CTNNA3: variants seen among roughly 807,000 people sequenced by gnomAD.
CTNNA3 encodes the protein catenin alpha-3.
CTNNA3 carries 76 observed loss-of-function variants against 95.7 expected under a neutral mutation model. That is an observed-to-expected ratio of 0.79 (90% confidence interval 0.66 to 0.96). CTNNA3 has a LOEUF of 0.96. CTNNA3 is among the 40% of genes least tolerant of loss of function. CTNNA3 has a pLI of 0.00. For missense variants in CTNNA3, 1,191 were observed against 1,089.8 expected, an observed-to-expected ratio of 1.09 and a Z score of -1.31; for synonymous variants, 431 against 374.4, an observed-to-expected ratio of 1.15 and a Z score of -1.74.
rs558730564 is a variant in CTNNA3, at chr10:66,073,444, T to C, written c.1978-3955A>G. Among the ~76,000 whole-genome samples the C allele has an allele frequency of 8.5e-5, 13 of 152,272 alleles. No individual in the cohort carries two copies. The South Asian group carries it at 2.5e-3, about 29-fold the overall frequency. On this transcript the variant is annotated intron_variant, in intron 14 of 17. Transcript: ENST00000433211. ...TCAGTCCTGTTCTCCTTTCCAATAC[T>C]GTGATCAGTACATTCACTGCTGTTA...
At chr10:67,422,074 G>C (rs1845766722) in intron 5 of CTNNA3, among the ~76,000 whole-genome samples, 1 of 151,844 alleles carries the variant, frequency 6.6e-6, no homozygotes. Context: ...GACAAACTGA[G>C]AAAATCTTCC....
intron 5 of CTNNA3, among the ~76,000 whole-genome samples, chr10:67,382,282 C>T (rs75667600): frequency 0.025 from 3,773 of 152,196 alleles, 166 homozygotes; most frequent in African/African-American, 0.085. Flanking sequence ...GCACTAAGCC[C>T]TGCTAAGGCA....
intron 11 of CTNNA3, among the ~76,000 whole-genome samples, chr10:66,430,816 G>A (rs1447233475): frequency 5.3e-5 from 8 of 152,078 alleles, no homozygotes; most frequent in Admixed American, 3.9e-4. Context: ...GAAAACCTAG[G>A]CAATACCATT....
At chr10:66,564,669 T>G (rs1842651711) in intron 10 of CTNNA3, among the ~76,000 whole-genome samples, 1 of 152,182 alleles carries the variant, frequency 6.6e-6, no homozygotes, top group African/African-American at 2.4e-5. Flanking sequence ...GTAACCTACT[T>G]ATGCTATCAT....
In CTNNA3 at chr10:65,940,296, T is replaced by C. The variant is rs189169758; in HGVS notation, c.2401-19679A>G. On this transcript the variant is annotated intron_variant, in intron 17 of 17. Coordinates refer to ENST00000433211, the MANE Select transcript of CTNNA3 (RefSeq NM_013266.4). ...TCATAACAGTTGGGAATTTGGCAGA[T>C]AGTTATTGAGGGACATTTGATGACC... Among the ~76,000 whole-genome samples, 27 of 152,324 alleles carry C rather than the reference T, an allele frequency of 1.8e-4. No individual in the cohort carries two copies. In the East Asian group the frequency reaches 3.9e-3, roughly 22 times the overall value.
chr10:66,857,160 T>C (rs1325719305), intron 7 of CTNNA3, among the ~76,000 whole-genome samples: 1 of 151,846 alleles, frequency 6.6e-6, no homozygotes, highest in Non-Finnish European at 1.5e-5. Context: ...ATTAAGGGAG[T>C]CCTTACCTCA....
intron 11 of CTNNA3, among the ~76,000 whole-genome samples, chr10:66,439,140 C>T (rs1008081428): frequency 6.6e-6 from 1 of 152,064 alleles, no homozygotes; most frequent in African/African-American, 2.4e-5. Flanking sequence ...TCCTATTCAG[C>T]CATCTTCTAT....
chr10:66,525,529 A>C (rs539412863), intron 10 of CTNNA3, among the ~76,000 whole-genome samples: 45 of 152,226 alleles, frequency 3.0e-4, no homozygotes, highest in Middle Eastern at 3.4e-3. Flanking sequence ...TATTATACTA[A>C]TTTATGATGC....
At chr10:66,335,872 C>T (rs548585653) in intron 12 of CTNNA3, among the ~76,000 whole-genome samples, 1 of 152,216 alleles carries the variant, frequency 6.6e-6, no homozygotes, top group South Asian at 2.1e-4. Context: ...CTGTGGTGGG[C>T]TCCACCCAGT....
chr10:66,972,865 C>T (rs1333960592), intron 7 of CTNNA3, among the ~76,000 whole-genome samples: 1 of 152,052 alleles, frequency 6.6e-6, no homozygotes, highest in Non-Finnish European at 1.5e-5. Flanking sequence ...CGCCTGCCAC[C>T]ACGCCTGGCT....
chr10:67,626,311 T>G (rs1361783082), intron 2 of CTNNA3, among the ~76,000 whole-genome samples: 1 of 152,172 alleles, frequency 6.6e-6, no homozygotes, highest in Non-Finnish European at 1.5e-5. Context: ...TGTTCATCAC[T>G]AAGTCTCTAT....
intron 9 of CTNNA3, among the ~76,000 whole-genome samples, chr10:66,725,936 GATTA>G (rs1848768475): frequency 6.6e-6 from 1 of 151,988 alleles, no homozygotes; most frequent in Admixed American, 6.6e-5. Context: ...ATCTATTTCT[GATTA>G]ATTAGTCCTT....
At chr10:67,199,584 T>A (rs1863545207) in intron 6 of CTNNA3, among the ~76,000 whole-genome samples, 1 of 152,114 alleles carries the variant, frequency 6.6e-6, no homozygotes. Flanking sequence ...TTAGCCAGGA[T>A]GGTCTCAATC....
chr10:66,779,150 T>C (rs944452876), intron 7 of CTNNA3, among the ~76,000 whole-genome samples: 10 of 152,078 alleles, frequency 6.6e-5, no homozygotes, highest in Non-Finnish European at 1.3e-4. Flanking sequence ...AAGAACAAAG[T>C]CTTGATCATT....
intron 10 of CTNNA3, among the ~76,000 whole-genome samples, chr10:66,580,026 T>A (rs1004313521): frequency 6.6e-6 from 1 of 151,814 alleles, no homozygotes; most frequent in African/African-American, 2.4e-5. Context: ...TTTGTTTTTG[T>A]TTTCTTTAAA....
intron 12 of CTNNA3, among the ~76,000 whole-genome samples, chr10:66,285,509 C>T (rs1343979623): frequency 1.3e-5 from 2 of 151,666 alleles, no homozygotes; most frequent in African/African-American, 4.8e-5. Context: ...GAAGATTAAG[C>T]TCTTTCATGC....
chr10:66,177,068 T>A (rs188873912), intron 13 of CTNNA3, among the ~76,000 whole-genome samples: 1 of 152,176 alleles, frequency 6.6e-6, no homozygotes, highest in Admixed American at 6.6e-5. Context: ...CGTGTAACAC[T>A]CACAATGCAG....
At position 66,692,052 on chromosome 10, in the gene CTNNA3, G is replaced by A. The variant is rs181888973; in HGVS notation, c.1282-70268C>T. On this transcript the variant is annotated intron_variant, in intron 9 of 17. Coordinates refer to ENST00000433211, the MANE Select transcript of CTNNA3 (RefSeq NM_013266.4). Reference sequence around the variant, plus strand: ...AAAACTGGAAACTCTAAAAAGCAGAGCGCCTCTCCTCCTCCAAAGGAATGC... The same window carrying A: ...AAAACTGGAAACTCTAAAAAGCAGAACGCCTCTCCTCCTCCAAAGGAATGC... Among the ~76,000 whole-genome samples, 421 of 152,318 alleles carry A rather than the reference G, an allele frequency of 2.8e-3. 1 individual carries two copies. Among genetic ancestry groups the A allele is most frequent in the African/African-American group, 9.2e-3 (384 of 41,576 alleles).
chr10:67,694,489 A>G (rs984214342), intron 1 of CTNNA3, among the ~76,000 whole-genome samples: 1 of 152,144 alleles, frequency 6.6e-6, no homozygotes, highest in Non-Finnish European at 1.5e-5. Context: ...AGAAACAGAG[A>G]TTAAGGAAAT....
Sources: allele counts gnomAD v4.1 joint callset (sites outside exome capture counted in the v4.1 genomes callset), GRCh38; gene constraint gnomAD v4.1.1; transcripts MANE v1.5; gene names NCBI Gene and HGNC (gene_info 2026-07-23, HGNC 2026-07-21).